SLIT2: variants seen among roughly 807,000 people sequenced by gnomAD.
SLIT2 encodes the protein slit guidance ligand 2.
SLIT2 carries 41 observed loss-of-function variants against 185.7 expected under a neutral mutation model. The observed-to-expected ratio is 0.22, with a 90% confidence interval of 0.17 to 0.29. The LOEUF (loss-of-function observed/expected upper bound fraction) is 0.29. Ranked by LOEUF, SLIT2 falls within the 10% of genes least tolerant of loss-of-function variation. SLIT2 has a pLI of 1.00. For synonymous variants in SLIT2, 693 were observed against 680.2 expected (o/e 1.02, Z -0.29); for missense variants, 1,571 against 1,909.0 (o/e 0.82, Z 3.30).
intron 26 of SLIT2, among the ~76,000 whole-genome samples, chr4:20,564,904 A>G (rs1724966968): frequency 6.6e-6 from 1 of 151,986 alleles, no homozygotes; most frequent in African/African-American, 2.4e-5. Flanking sequence ...GGTCTGGAAT[A>G]AAATGCAAAG....
chr4:20,597,027 C>T (rs1240130557), intron 32 of SLIT2, among the ~76,000 whole-genome samples: 2 of 151,264 alleles, frequency 1.3e-5, no homozygotes, highest in African/African-American at 2.4e-5. Context: ...CGAGAAAGAA[C>T]ACCTGGATTC....
rs1417297280 is a variant in SLIT2, at chr4:20,368,907, C to CA, written c.396-98839dup. Among the ~76,000 whole-genome samples, 5 of 152,164 alleles carry CA rather than the reference C, an allele frequency of 3.3e-5. No individual in the cohort carries two copies. In the East Asian group the frequency reaches 7.7e-4, roughly 24 times the overall value. ...TATTTACATATCACACTCAGACATA[C>CA]AAAAAATACTATTCTGCTTTATTTA... On this transcript the variant is annotated intron_variant, in intron 4 of 36. Coordinates refer to ENST00000504154, the MANE Select transcript of SLIT2 (RefSeq NM_004787.4).
chr4:20,341,943 C>T (rs553714720), intron 4 of SLIT2, among the ~76,000 whole-genome samples: 61 of 152,244 alleles, frequency 4.0e-4, no homozygotes, highest in African/African-American at 1.4e-3. Context: ...TTTTTGTCTA[C>T]ATGGTTAACT....
At position 20,589,633 on chromosome 4, in the gene SLIT2, C is replaced by T; in HGVS notation, c.3089-11C>T. 1 of 1,608,258 alleles carries T rather than the reference C, an allele frequency of 6.2e-7. No individual in the cohort carries two copies. ...TTTTTCTATGAGCTAACACTGTTTG[C>T]CCTGTTGCAGGTGAGTTGTGTGAGG... On this transcript the variant is annotated splice_polypyrimidine_tract_variant and intron_variant, in intron 29 of 36. Transcript: ENST00000504154.
intron 1 of SLIT2, among the ~76,000 whole-genome samples, chr4:20,255,657 G>A (rs372827103): frequency 5.9e-5 from 9 of 152,184 alleles, no homozygotes; most frequent in African/African-American, 2.2e-4. Flanking sequence ...CAACAAAAAG[G>A]GAATGCACTT....
intron 4 of SLIT2, among the ~76,000 whole-genome samples, chr4:20,332,783 A>G (rs1441411384): frequency 6.6e-6 from 1 of 152,148 alleles, no homozygotes; most frequent in East Asian, 1.9e-4. Context: ...CAGAGATCTG[A>G]AAAAGTTGAT....
rs1729992767 is a variant in SLIT2 at position 20,620,427 on chromosome 4, T to A, written c.*1418T>A. Reference sequence around the variant, plus strand: ...AGGGTGCCCTGTAAAGATGCAGATGTTTCTTCCTGAAAACTTCTTTTTTTA... The same window carrying A: ...AGGGTGCCCTGTAAAGATGCAGATGATTCTTCCTGAAAACTTCTTTTTTTA... On this transcript the variant is annotated 3_prime_UTR_variant, in exon 37 of 37. Transcript: ENST00000504154. 1 of 455,566 alleles carries A rather than the reference T, an allele frequency of 2.2e-6. No individual in the cohort carries two copies. The highest frequency in any genetic ancestry group is 2.0e-5 in the African/African-American group (1 of 50,054). The allele number at this position is 455,566 out of a possible 1,614,324, so 28.2% of individuals were successfully genotyped here.
intron 4 of SLIT2, among the ~76,000 whole-genome samples, chr4:20,397,228 G>A (rs568848075): frequency 6.6e-6 from 1 of 151,650 alleles, no homozygotes; most frequent in Non-Finnish European, 1.5e-5. Context: ...TCTTGTGCAG[G>A]GACCTACCTA....
rs1717060341 is a variant in SLIT2, at chr4:20,484,916, G to C, written c.540-1284G>C. 1.3e-5 allele frequency among the ~76,000 whole-genome samples: 2 copies of C among 151,962 alleles called. No individual in the cohort carries two copies. The highest frequency in any genetic ancestry group is 4.8e-5 in the African/African-American group (2 of 41,358). On this transcript the variant is annotated intron_variant, in intron 6 of 36. Coordinates refer to ENST00000504154, the MANE Select transcript of SLIT2 (RefSeq NM_004787.4). This position sits in a 1 kb window ranked among gnomAD's most constrained non-coding sequence, Gnocchi z 4.3. Reference sequence around the variant, plus strand: ...ATGTCTGCTTTCTTCCATCTCTCTTGCCCATCATTGTATATTTTTGCACGT... The same window carrying C: ...ATGTCTGCTTTCTTCCATCTCTCTTCCCCATCATTGTATATTTTTGCACGT...
chr4:20,332,392 G>T (rs915906426), intron 4 of SLIT2, among the ~76,000 whole-genome samples: 10 of 152,118 alleles, frequency 6.6e-5, no homozygotes, highest in Non-Finnish European at 1.2e-4. Context: ...CTGGAAAGAG[G>T]GGAGTAGTAA....
Position 20,294,643 on chromosome 4 carries a change from A to G in SLIT2, c.395+25762A>G, listed in dbSNP as rs1044364794. ...TTGTTTGTCTGACACTTTTACGAGA[A>G]GTTATATATGGCCTTTTAATTTACA... On this transcript the variant is annotated intron_variant, in intron 4 of 36. Coordinates refer to ENST00000504154, the MANE Select transcript of SLIT2 (RefSeq NM_004787.4). 3.9e-5 allele frequency among the ~76,000 whole-genome samples: 6 copies of G among 152,336 alleles called. No homozygotes were observed. The East Asian group carries it at 1.2e-3, about 29-fold the overall frequency.
At chr4:20,361,174 A>G (rs901991748) in intron 4 of SLIT2, among the ~76,000 whole-genome samples, 2 of 152,112 alleles carry the variant, frequency 1.3e-5, no homozygotes, top group African/African-American at 4.8e-5. Flanking sequence ...TTCAAACGAT[A>G]TCCTAAAGGT....
At chr4:20,472,294 A>ATCTATTTATC in intron 5 of SLIT2, among the ~76,000 whole-genome samples, 1 of 37,244 alleles carries the variant, frequency 2.7e-5, no homozygotes, top group East Asian at 8.9e-4. Flanking sequence ...ATAGATATAT[A>ATCTATTTATC]GATATATAGA....
At chr4:20,548,698 G>T (rs990672736) in intron 23 of SLIT2, 139 bp downstream of exon 23, 2 of 636,904 alleles carry the variant, frequency 3.1e-6, no homozygotes, top group African/African-American at 1.8e-5. Flanking sequence ...ACAAAACCAC[G>T]ATACGTGAAC....
chr4:20,370,922 T>G (rs1394553009), intron 4 of SLIT2, among the ~76,000 whole-genome samples: 4 of 152,142 alleles, frequency 2.6e-5, no homozygotes, highest in Non-Finnish European at 5.9e-5. Flanking sequence ...CAACTCCACT[T>G]AGTGACCAAA....
intron 7 of SLIT2, among the ~76,000 whole-genome samples, chr4:20,486,695 A>G (rs370546508): frequency 2.6e-5 from 4 of 152,262 alleles, no homozygotes; most frequent in Middle Eastern, 3.4e-3. Context: ...TAGTACTTCT[A>G]TAATTAAGAT....
intron 4 of SLIT2, among the ~76,000 whole-genome samples, chr4:20,340,128 G>A (rs896155120): frequency 1.3e-5 from 2 of 152,124 alleles, no homozygotes; most frequent in Non-Finnish European, 2.9e-5. Context: ...CGTAGTAGGT[G>A]TATATTTTTA....
intron 4 of SLIT2, among the ~76,000 whole-genome samples, chr4:20,444,124 G>A (rs891830395): frequency 1.3e-5 from 2 of 152,096 alleles, no homozygotes; most frequent in East Asian, 3.9e-4. Flanking sequence ...AAGAAGGAAA[G>A]GCTCCTTCCT....
At position 20,455,088 on chromosome 4, in the gene SLIT2, A is replaced by T. The variant is rs114930664; in HGVS notation, c.396-12664A>T. On this transcript the variant is annotated intron_variant, in intron 4 of 36. Transcript: ENST00000504154. ...TGGAAAATGTACATTCAGCTCTGTT[A>T]TTAGCATGGATACACATATGTGGTG... 6.1e-3 allele frequency among the ~76,000 whole-genome samples: 930 copies of T among 152,304 alleles called. 8 individuals are homozygous for T. Among genetic ancestry groups the T allele is most frequent in the African/African-American group, 0.021 (878 of 41,576 alleles).
Sources: allele counts gnomAD v4.1 joint callset (sites outside exome capture counted in the v4.1 genomes callset), GRCh38; gene constraint gnomAD v4.1.1; non-coding constraint Gnocchi (gnomAD v3.1); transcripts MANE v1.5; gene names NCBI Gene and HGNC (gene_info 2026-07-23, HGNC 2026-07-21).